XKR4: variants seen among roughly 807,000 people sequenced by gnomAD.
The protein encoded by XKR4 is XK-related protein 4.
A neutral mutation model predicts 53.9 loss-of-function variants in XKR4; 12 were observed. That is an observed-to-expected ratio of 0.22 (90% confidence interval 0.14 to 0.36). XKR4 has a LOEUF of 0.36. XKR4 is among the 10% of genes least tolerant of loss of function. XKR4 has a pLI of 1.00. For missense variants in XKR4, 799 were observed against 859.5 expected, an observed-to-expected ratio of 0.93 and a Z score of 0.88; for synonymous variants, 354 against 362.4, an observed-to-expected ratio of 0.98 and a Z score of 0.26.
intron 1 of XKR4, among the ~76,000 whole-genome samples, chr8:55,206,606 TAAAG>T (rs1237750639): frequency 1.3e-5 from 2 of 152,136 alleles, no homozygotes; most frequent in African/African-American, 2.4e-5. Flanking sequence ...ACAATTATGA[TAAAG>T]AAAACCCCAA....
At chr8:55,348,695 C>T (rs1011164136) in intron 1 of XKR4, among the ~76,000 whole-genome samples, 1 of 149,708 alleles carries the variant, frequency 6.7e-6, no homozygotes, top group Non-Finnish European at 1.5e-5. Flanking sequence ...CAAACATACA[C>T]ACACACACAC....
At chr8:55,478,975 A>G (rs1806053613) in intron 2 of XKR4, among the ~76,000 whole-genome samples, 1 of 152,120 alleles carries the variant, frequency 6.6e-6, no homozygotes, top group Non-Finnish European at 1.5e-5. Flanking sequence ...CCCACTGTCA[A>G]CATTAGACAG....
intron 2 of XKR4, among the ~76,000 whole-genome samples, chr8:55,458,021 T>G (rs1455540353): frequency 1.3e-5 from 2 of 152,234 alleles, no homozygotes; most frequent in African/African-American, 2.4e-5. Context: ...GCTCACTGAT[T>G]GAAAAACATT....
chr8:55,355,067 C>T (rs1803778991), intron 1 of XKR4, among the ~76,000 whole-genome samples: 1 of 151,904 alleles, frequency 6.6e-6, no homozygotes, highest in Non-Finnish European at 1.5e-5. Context: ...CCACACCCAG[C>T]TAATTTTTGT....
chr8:55,174,635 TG>T (rs1174854084), intron 1 of XKR4, among the ~76,000 whole-genome samples: 1 of 152,156 alleles, frequency 6.6e-6, no homozygotes, highest in Non-Finnish European at 1.5e-5. Context: ...TGTTGTAATG[TG>T]TTGGATGGTA....
intron 2 of XKR4, among the ~76,000 whole-genome samples, chr8:55,424,285 C>T (rs754200890): frequency 6.6e-6 from 1 of 152,206 alleles, no homozygotes; most frequent in Non-Finnish European, 1.5e-5. Flanking sequence ...GTTTTAGACA[C>T]ACAGGCAGGG....
In XKR4 at chr8:55,518,812, G is replaced by A. The variant is rs186352169; in HGVS notation, c.1007-4469G>A. ...AACTGAGGACTGCATCCCAAGCAAT[G>A]CCAGTAGCTAAAGGACAACCAGACC... On this transcript the variant is annotated intron_variant, in intron 2 of 2. Transcript: ENST00000327381. 8.4e-4 allele frequency among the ~76,000 whole-genome samples: 128 copies of A among 152,304 alleles called. No homozygotes were observed. In the Middle Eastern group the frequency reaches 0.01, roughly 12 times the overall value.
chr8:55,483,414 T>A (rs1372178020), intron 2 of XKR4, among the ~76,000 whole-genome samples: 1 of 151,668 alleles, frequency 6.6e-6, no homozygotes, highest in Non-Finnish European at 1.5e-5. Flanking sequence ...GTTAAGAGAG[T>A]GGTATGAAAC....
intron 1 of XKR4, among the ~76,000 whole-genome samples, chr8:55,206,767 A>T (rs949837780): frequency 1.3e-5 from 2 of 152,178 alleles, no homozygotes; most frequent in African/African-American, 4.8e-5. Context: ...AGTTTTGAAG[A>T]CCATTTTTTT....
At chr8:55,478,829 C>T (rs1429874905) in intron 2 of XKR4, among the ~76,000 whole-genome samples, 2 of 152,068 alleles carry the variant, frequency 1.3e-5, no homozygotes, top group Non-Finnish European at 2.9e-5. Context: ...GTAAAGGGAT[C>T]AATTCAACAA....
At chr8:55,348,657 G>A (rs890533219) in intron 1 of XKR4, among the ~76,000 whole-genome samples, 1 of 149,824 alleles carries the variant, frequency 6.7e-6, no homozygotes, top group Non-Finnish European at 1.5e-5. Flanking sequence ...TAATGGATAG[G>A]TAGATGATAG....
chr8:55,429,555 A>G (rs1585568742), intron 2 of XKR4, among the ~76,000 whole-genome samples: 1 of 152,058 alleles, frequency 6.6e-6, no homozygotes, highest in African/African-American at 2.4e-5. Flanking sequence ...TGAAAAAAAA[A>G]ATGTTTTAAA....
chr8:55,490,138 A>G (rs1182133216), intron 2 of XKR4, among the ~76,000 whole-genome samples: 1 of 152,210 alleles, frequency 6.6e-6, no homozygotes, highest in African/African-American at 2.4e-5. Flanking sequence ...TCCCTACAAC[A>G]TAAACTGTCT....
intron 1 of XKR4, among the ~76,000 whole-genome samples, chr8:55,353,431 T>C (rs927907961): frequency 6.6e-6 from 1 of 152,110 alleles, no homozygotes; most frequent in Non-Finnish European, 1.5e-5. Flanking sequence ...ATGCCAAAGA[T>C]TGCCAGCAAA....
At chr8:55,320,431 C>A (rs1173897606) in intron 1 of XKR4, among the ~76,000 whole-genome samples, 1 of 152,136 alleles carries the variant, frequency 6.6e-6, no homozygotes, top group African/African-American at 2.4e-5. Flanking sequence ...ACAAAAGATA[C>A]CCAATTGACG....
intron 2 of XKR4, among the ~76,000 whole-genome samples, chr8:55,391,114 C>T (rs576485461): frequency 4.6e-5 from 7 of 152,242 alleles, no homozygotes; most frequent in East Asian, 3.9e-4. Context: ...GACAGAGGTC[C>T]GAATGTCTCA....
At chr8:55,164,585 G>A (rs963323820) in intron 1 of XKR4, 1 of 363,986 alleles carries the variant, frequency 2.7e-6, no homozygotes, top group African/African-American at 2.1e-5. Flanking sequence ...ATGCCCATGG[G>A]CCTAGCCCTG....
At chr8:55,463,674 A>C (rs1313855885) in intron 2 of XKR4, among the ~76,000 whole-genome samples, 1 of 152,134 alleles carries the variant, frequency 6.6e-6, no homozygotes, top group Admixed American at 6.6e-5. Flanking sequence ...TCAAAAAATC[A>C]ATGAATCCAG....
At chr8:55,454,987 C>A (rs987478101) in intron 2 of XKR4, 1 of 855,712 alleles carries the variant, frequency 1.2e-6, no homozygotes, top group Non-Finnish European at 2.0e-6. Context: ...GACACATCTG[C>A]CACCCGCTGG....
Sources: gnomAD v4.1 joint callset for allele counts (sites outside exome capture counted in the v4.1 genomes callset) on GRCh38, gnomAD v4.1.1 for gene constraint, MANE v1.5 for transcripts, NCBI Gene and HGNC (gene_info 2026-07-23, HGNC 2026-07-21) for gene names.